RSF1: variants seen among roughly 807,000 people sequenced by gnomAD.
The protein encoded by RSF1 is HBV pX-associated protein 8.
Under a neutral mutation model 145.2 loss-of-function variants are expected in RSF1, and 13 were observed. That is an observed-to-expected ratio of 0.09 (90% confidence interval 0.06 to 0.14). RSF1 has a LOEUF of 0.14. Among genes scored for constraint, RSF1 ranks in the 10% least tolerant of loss-of-function variants. RSF1 has a pLI of 1.00. For missense variants in RSF1, 1,517 were observed against 1,718.2 expected, an observed-to-expected ratio of 0.88 and a Z score of 2.07; for synonymous variants, 577 against 592.6, an observed-to-expected ratio of 0.97 and a Z score of 0.38.
chr11:77,810,898 T>C (rs1948724633), intron 1 of RSF1, among the ~76,000 whole-genome samples: 1 of 152,196 alleles, frequency 6.6e-6, no homozygotes, highest in African/African-American at 2.4e-5. Flanking sequence ...GCTAGACAGA[T>C]AATAAGTTCT....
At chr11:77,858,827 A>G in the RSF1 span, among the ~76,000 whole-genome samples, 2 of 152,224 alleles carry the variant, frequency 1.3e-5, no homozygotes, top group Non-Finnish European at 2.9e-5. Context: ...CATGGACTGC[A>G]TCGGGGACTC....
chr11:77,844,472 C>A, the RSF1 span, among the ~76,000 whole-genome samples: 2 of 152,010 alleles, frequency 1.3e-5, no homozygotes, highest in Non-Finnish European at 2.9e-5. Flanking sequence ...AAGGGATCTT[C>A]CTCCCTCAGC....
At chr11:77,681,422 C>T (rs190443286) in intron 11 of RSF1, among the ~76,000 whole-genome samples, 1 of 152,216 alleles carries the variant, frequency 6.6e-6, no homozygotes, top group Admixed American at 6.5e-5. Context: ...TCCCTCCTTC[C>T]TTACTTTCCC....
At chr11:77,872,089 C>G in the RSF1 span, 15,493 of 1,421,606 alleles carry the variant, frequency 0.011, 115 homozygotes, top group Non-Finnish European at 0.013. Context: ...CTGTCTAATT[C>G]TGTAGAGTAC....
the RSF1 span, among the ~76,000 whole-genome samples, chr11:77,864,463 A>G: frequency 2.7e-4 from 41 of 152,160 alleles, no homozygotes; most frequent in Non-Finnish European, 4.7e-4. Context: ...TAAAAAAAAG[A>G]ACATAGTGGT....
At chr11:77,756,358 C>CAAAA (rs936128985) in intron 2 of RSF1, among the ~76,000 whole-genome samples, 1 of 54,290 alleles carries the variant, frequency 1.8e-5, no homozygotes, top group Non-Finnish European at 4.0e-5. Context: ...AACTCTGTCT[C>CAAAA]AAAAAAAAAA....
the RSF1 span, among the ~76,000 whole-genome samples, chr11:77,863,478 G>A: frequency 2.6e-5 from 4 of 152,164 alleles, no homozygotes; most frequent in African/African-American, 9.6e-5. Flanking sequence ...AAAGAAGGTA[G>A]CCTGCGTTTA....
chr11:77,694,141 A>G (rs991192149), intron 7 of RSF1, among the ~76,000 whole-genome samples: 3 of 152,242 alleles, frequency 2.0e-5, no homozygotes, highest in African/African-American at 4.8e-5. Context: ...AGTTAAAAAT[A>G]ACAAGGCCTT....
the RSF1 span, among the ~76,000 whole-genome samples, chr11:77,842,292 A>G: frequency 6.6e-6 from 1 of 152,156 alleles, no homozygotes; most frequent in African/African-American, 2.4e-5. Context: ...TCTGGTTTCT[A>G]TGGTTGGATG....
In RSF1 at chr11:77,692,233, A is replaced by ATTTTTTTTTTTTTTTTTTTTT. The variant is rs71046904; in HGVS notation, c.2821-1016_2821-996dup. Reference sequence around the variant, plus strand: ...AAAAAATAATTATTACTACTTTTAAATTTTTTTTTTTTTTTTTTTTTTTTT... The same window carrying ATTTTTTTTTTTTTTTTTTTTT: ...AAAAAATAATTATTACTACTTTTAAATTTTTTTTTTTTTTTTTTTTTTTTTTTTTTTTTTTTTTTTTTTTTT... On this transcript the variant is annotated intron_variant, in intron 8 of 15. Transcript: ENST00000308488. Among the ~76,000 whole-genome samples, 6 of 49,472 alleles carry ATTTTTTTTTTTTTTTTTTTTT rather than the reference A, an allele frequency of 1.2e-4. 1 individual carries two copies. The highest frequency in any genetic ancestry group is 1.6e-4 in the Non-Finnish European group (5 of 30,696). 32.5% of individuals were successfully genotyped at this position (49,472 alleles called of 152,430 possible). A position where few individuals can be genotyped will look rare whatever the true frequency, so the allele number is the denominator to read the frequency against.
chr11:77,823,044 C>T (rs1442882483), upstream of RSF1, among the ~76,000 whole-genome samples: 2 of 151,886 alleles, frequency 1.3e-5, no homozygotes, highest in African/African-American at 4.8e-5. Flanking sequence ...TGAAACCCGT[C>T]TCTACTAAAA....
the RSF1 span, among the ~76,000 whole-genome samples, chr11:77,859,588 T>C: frequency 6.6e-6 from 1 of 152,188 alleles, no homozygotes; most frequent in African/African-American, 2.4e-5. Flanking sequence ...TGAGCACTAG[T>C]TCCTGGAGTG....
chr11:77,851,682 C>G, the RSF1 span, among the ~76,000 whole-genome samples: 1 of 152,082 alleles, frequency 6.6e-6, no homozygotes, highest in South Asian at 2.1e-4. Flanking sequence ...GGTACCTCCC[C>G]CAACCTTGCT....
chr11:77,776,501 G>A (rs1948344007), intron 1 of RSF1, among the ~76,000 whole-genome samples: 1 of 152,092 alleles, frequency 6.6e-6, no homozygotes, highest in Non-Finnish European at 1.5e-5. Flanking sequence ...TCATCTTATA[G>A]TTTCCTGAGA....
At chr11:77,752,291 C>T (rs993673482) in intron 2 of RSF1, among the ~76,000 whole-genome samples, 1 of 152,140 alleles carries the variant, frequency 6.6e-6, no homozygotes, top group African/African-American at 2.4e-5. Flanking sequence ...GGCATGTCCA[C>T]CATGGACACT....
In RSF1 at chr11:77,759,775, A is replaced by G. The variant is rs543376720; in HGVS notation, c.279+4823T>C. 1.4e-3 allele frequency among the ~76,000 whole-genome samples: 216 copies of G among 151,050 alleles called. 1 individual carries two copies. The highest frequency in any genetic ancestry group is 3.6e-3 in the African/African-American group (148 of 41,136). Reference sequence around the variant, plus strand: ...GCCTGTGTTCAATCCTTGCTTCACCATCTGGTGTCTATGTGACTTTGGGAG... The same window carrying G: ...GCCTGTGTTCAATCCTTGCTTCACCGTCTGGTGTCTATGTGACTTTGGGAG... On this transcript the variant is annotated intron_variant, in intron 2 of 15. Coordinates refer to ENST00000308488, the MANE Select transcript of RSF1 (RefSeq NM_016578.4).
chr11:77,728,273 A>C (rs1961106708), intron 4 of RSF1, among the ~76,000 whole-genome samples: 1 of 152,234 alleles, frequency 6.6e-6, no homozygotes, highest in Non-Finnish European at 1.5e-5. Context: ...AGAATGAATA[A>C]ACAAAATCTA....
chr11:77,840,644 A>G, the RSF1 span, among the ~76,000 whole-genome samples: 1 of 152,234 alleles, frequency 6.6e-6, no homozygotes, highest in Non-Finnish European at 1.5e-5. Context: ...TCTGGCCTCA[A>G]GTGAAATTCC....
At chr11:77,767,766 A>G (rs980059793) in intron 1 of RSF1, among the ~76,000 whole-genome samples, 1 of 152,216 alleles carries the variant, frequency 6.6e-6, no homozygotes, top group African/African-American at 2.4e-5. Flanking sequence ...TGTATCACTC[A>G]TTAAGCAGTT....
Sources: allele counts gnomAD v4.1 joint callset (sites outside exome capture counted in the v4.1 genomes callset), GRCh38; gene constraint gnomAD v4.1.1; transcripts MANE v1.5; gene names NCBI Gene and HGNC (gene_info 2026-07-23, HGNC 2026-07-21).